The following TPD52L1 variants were observed in gnomAD, a reference collection of about 807,000 sequenced individuals.
TPD52L1 encodes the protein TPD52 like 1.
Under a neutral mutation model 28.7 loss-of-function variants are expected in TPD52L1, and 18 were observed. The ratio of observed to expected loss-of-function variants is 0.63; its 90% confidence interval spans 0.43 to 0.93. The LOEUF is 0.93. Ranked by LOEUF, TPD52L1 falls within the 40% of genes least tolerant of loss-of-function variation. TPD52L1 has a pLI of 0.00. For missense variants in TPD52L1, 203 were observed against 254.8 expected (o/e 0.80, Z 1.39); for synonymous variants, 75 against 88.8 (o/e 0.84, Z 0.88).
intron 6 of TPD52L1, 110 bp from the exon 7 acceptor site, chr6:125,262,724 T>C: frequency 7.2e-7 from 1 of 1,386,098 alleles, no homozygotes; most frequent in Non-Finnish European, 9.8e-7. Flanking sequence ...TCTCTAAAGA[T>C]AGAAAGTATT....
At chr6:125,231,980 A>G (rs1292812735) in intron 3 of TPD52L1, among the ~76,000 whole-genome samples, 1 of 152,216 alleles carries the variant, frequency 6.6e-6, no homozygotes, top group Non-Finnish European at 1.5e-5. Flanking sequence ...GCTGTGAGAA[A>G]GACTGAGAAA....
At chr6:125,191,255 G>C (rs1451824270) in intron 1 of TPD52L1, among the ~76,000 whole-genome samples, 3 of 152,056 alleles carry the variant, frequency 2.0e-5, no homozygotes, top group African/African-American at 7.2e-5. Context: ...CCAATTTCCT[G>C]CTGAATGATT....
intron 1 of TPD52L1, among the ~76,000 whole-genome samples, chr6:125,214,619 C>A (rs1794737496): frequency 6.6e-6 from 1 of 152,118 alleles, no homozygotes; most frequent in Non-Finnish European, 1.5e-5. Context: ...CTGGTAAATC[C>A]AATTTCAAAT....
intron 4 of TPD52L1, chr6:125,248,625 A>T: frequency 2.1e-6 from 1 of 478,786 alleles, no homozygotes; most frequent in Non-Finnish European, 3.8e-6. Context: ...CCGACCTGGT[A>T]AAAATAGAAG....
chr6:125,208,549 T>C (rs890949413), intron 1 of TPD52L1, among the ~76,000 whole-genome samples: 1 of 152,104 alleles, frequency 6.6e-6, no homozygotes, highest in Non-Finnish European at 1.5e-5. Context: ...TGGCACACTT[T>C]AGTATGACAG....
intron 1 of TPD52L1, among the ~76,000 whole-genome samples, chr6:125,186,386 G>A (rs1353138406): frequency 6.6e-6 from 1 of 152,128 alleles, no homozygotes. Context: ...ATGAAAATAG[G>A]CCATGGGTGG....
intron 1 of TPD52L1, among the ~76,000 whole-genome samples, chr6:125,204,531 G>C (rs1230177442): frequency 6.6e-6 from 1 of 151,968 alleles, no homozygotes; most frequent in East Asian, 1.9e-4. Flanking sequence ...CCAGGCTGGA[G>C]TGCAGTGGGG....
At chr6:125,154,297 C>T (rs1273258187) in intron 1 of TPD52L1, 3 of 1,158,380 alleles carry the variant, frequency 2.6e-6, no homozygotes, top group African/African-American at 3.2e-5. Flanking sequence ...CCTGTTGTGC[C>T]GGGTCCGGAA....
At chr6:125,246,411 A>G (rs1796928366) in intron 3 of TPD52L1, among the ~76,000 whole-genome samples, 1 of 152,158 alleles carries the variant, frequency 6.6e-6, no homozygotes, top group South Asian at 2.1e-4. Flanking sequence ...GGTTCTTGGA[A>G]CAAAAGTTCA....
At chr6:125,191,018 G>C (rs1793000503) in intron 1 of TPD52L1, among the ~76,000 whole-genome samples, 1 of 152,142 alleles carries the variant, frequency 6.6e-6, no homozygotes, top group Admixed American at 6.6e-5. Context: ...ATCTACTCTT[G>C]TTGTCTTGAC....
In TPD52L1 at chr6:125,264,364, T is replaced by C. The variant is rs1445393924; in HGVS notation, c.*1402T>C. The stretch of plus-strand genomic sequence containing the variant: ...GTGTTTATTAAATAGAAGTGATATA[T>C]ATGACATTTTGAAGTAAAGCACATC... On this transcript the variant is annotated 3_prime_UTR_variant, in exon 7 of 7. Coordinates refer to ENST00000534000, the MANE Select transcript of TPD52L1 (RefSeq NM_003287.4). The C allele has an allele frequency of 6.6e-6, 1 of 152,208 alleles. No homozygotes were observed. The highest frequency in any genetic ancestry group is 1.5e-5 in the Non-Finnish European group (1 of 68,044). 9.4% of individuals were successfully genotyped at this position (152,208 alleles called of 1,614,324 possible).
chr6:125,216,527 G>GTATATGTA (rs1331931374), intron 1 of TPD52L1, among the ~76,000 whole-genome samples: 5 of 40,192 alleles, frequency 1.2e-4, no homozygotes, highest in Admixed American at 4.2e-4. Flanking sequence ...CAGTATGTGT[G>GTATATGTA]TGTATATATA....
intron 2 of TPD52L1, among the ~76,000 whole-genome samples, chr6:125,227,144 G>T (rs1256837945): frequency 1.3e-5 from 2 of 152,142 alleles, no homozygotes; most frequent in African/African-American, 2.4e-5. Context: ...TGAACATAAA[G>T]AAATGGATAA....
chr6:125,261,832 CTCATAAACCA>C (rs1798076306), intron 6 of TPD52L1: 1 of 152,054 alleles, frequency 6.6e-6, no homozygotes, highest in Admixed American at 6.6e-5. Flanking sequence ...AGAAAAAAGC[CTCATAAACCA>C]TCATAACTGC....
At chr6:125,178,027 C>G (rs1331311144) in intron 1 of TPD52L1, among the ~76,000 whole-genome samples, 1 of 152,062 alleles carries the variant, frequency 6.6e-6, no homozygotes, top group Admixed American at 6.5e-5. Context: ...TTAAAAATCC[C>G]AAGTTTAAGC....
intron 6 of TPD52L1, among the ~76,000 whole-genome samples, chr6:125,259,604 G>A (rs1037151718): frequency 3.3e-5 from 5 of 152,154 alleles, no homozygotes; most frequent in African/African-American, 1.2e-4. Flanking sequence ...AATGAGTCAT[G>A]AGTAACTACA....
chr6:125,157,492 A>G (rs1402389455), intron 1 of TPD52L1, among the ~76,000 whole-genome samples: 1 of 152,204 alleles, frequency 6.6e-6, no homozygotes, highest in African/African-American at 2.4e-5. Flanking sequence ...GCTGGAGAAC[A>G]ACGTGGAGAG....
At chr6:125,260,774 C>T (rs1562407093) in intron 6 of TPD52L1, among the ~76,000 whole-genome samples, 1 of 150,356 alleles carries the variant, frequency 6.7e-6, no homozygotes, top group Non-Finnish European at 1.5e-5. Context: ...CCACTGCACT[C>T]CAGCCTGGGC....
chr6:125,192,321 C>T (rs373383726), intron 1 of TPD52L1, among the ~76,000 whole-genome samples: 2 of 142,586 alleles, frequency 1.4e-5, no homozygotes, highest in East Asian at 4.0e-4. Flanking sequence ...CAAAAAAAAT[C>T]TTTTTTTTTT....
Sources: gnomAD v4.1 joint callset for allele counts (sites outside exome capture counted in the v4.1 genomes callset) on GRCh38, gnomAD v4.1.1 for gene constraint, MANE v1.5 for transcripts, NCBI Gene and HGNC (gene_info 2026-07-23, HGNC 2026-07-21) for gene names.